SYNE1: variants seen among roughly 807,000 people sequenced by gnomAD.
SYNE1 encodes spectrin repeat containing nuclear envelope protein 1, also known as nesprin-1.
A neutral mutation model predicts 1,111.0 loss-of-function variants in SYNE1; 616 were observed. The ratio of observed to expected loss-of-function variants is 0.55; its 90% CI spans 0.52 to 0.59. The LOEUF is 0.59. Among genes scored for constraint, SYNE1 ranks in the 20% least tolerant of loss-of-function variants. The pLI is 0.00. For missense variants in SYNE1, 10,006 were observed against 10,417.0 expected (o/e 0.96, Z 1.72); for synonymous variants, 3,855 against 3,825.8 (o/e 1.01, Z -0.28).
intron 64 of SYNE1, 37 bp downstream of exon 64, chr6:152,362,133 G>C (rs1167270767): frequency 6.2e-7 from 1 of 1,614,136 alleles, no homozygotes; most frequent in East Asian, 2.2e-5. Flanking sequence ...AAAGAAGCCT[G>C]TGAGAAAACA....
At chr6:152,418,619 A>G (rs1248080044) in intron 40 of SYNE1, among the ~76,000 whole-genome samples, 1 of 152,206 alleles carries the variant, frequency 6.6e-6, no homozygotes, top group East Asian at 1.9e-4. Flanking sequence ...ATACCCTAAA[A>G]TATGTCACTT....
At chr6:152,353,844 A>G in intron 67 of SYNE1, 100 bp from the exon 68 acceptor site, 1 of 1,466,504 alleles carries the variant, frequency 6.8e-7, no homozygotes, top group South Asian at 1.1e-5. Flanking sequence ...GTAGGTTTAG[A>G]AGATGTTTAT....
intron 58 of SYNE1, among the ~76,000 whole-genome samples, chr6:152,374,028 G>A (rs375552227): frequency 1.1e-4 from 16 of 152,204 alleles, no homozygotes; most frequent in Admixed American, 2.0e-4. Context: ...ATGAATTTCC[G>A]TGGGGAATCT....
chr6:152,178,968 C>T (rs1423023271), intron 129 of SYNE1, among the ~76,000 whole-genome samples: 36 of 141,958 alleles, frequency 2.5e-4, no homozygotes, highest in Non-Finnish European at 3.0e-5. Flanking sequence ...GGCTGGAGTG[C>T]AGTGGCACAA....
At chr6:152,488,573 C>T in intron 11 of SYNE1, 70 bp from the exon 12 acceptor site, 1 of 886,310 alleles carries the variant, frequency 1.1e-6, no homozygotes, top group Non-Finnish European at 1.8e-6. Flanking sequence ...TAATACTTGA[C>T]TGATTCTAGA....
chr6:152,492,356 T>C (rs2098975277), intron 11 of SYNE1, among the ~76,000 whole-genome samples: 1 of 152,134 alleles, frequency 6.6e-6, no homozygotes, highest in Non-Finnish European at 1.5e-5. Context: ...AACTTATTTC[T>C]GAGTTGCAAT....
intron 8 of SYNE1, 94 bp downstream of exon 8, chr6:152,510,099 T>G (rs2099077401): frequency 1.6e-6 from 2 of 1,275,794 alleles, no homozygotes; most frequent in Admixed American, 3.4e-5. Context: ...CATTCAAATG[T>G]CTCTTCACAT....
chr6:152,456,446 C>G (rs1038014564), intron 22 of SYNE1, among the ~76,000 whole-genome samples: 2 of 151,662 alleles, frequency 1.3e-5, no homozygotes, highest in African/African-American at 4.9e-5. Context: ...TGTGACTAAA[C>G]AAATTGAGCA....
chr6:152,222,500 C>A (rs1228617149), intron 117 of SYNE1, among the ~76,000 whole-genome samples: 1 of 152,178 alleles, frequency 6.6e-6, no homozygotes, highest in Non-Finnish European at 1.5e-5. Flanking sequence ...TCTGGGTGTT[C>A]TTCCTTGCCA....
chr6:152,355,046 C>T lies in SYNE1; in HGVS notation c.10609-70G>A, dbSNP rs530398302. The stretch of plus-strand genomic sequence containing the variant: ...ACTTGCATGGGTTAGCATGTCTTGC[C>T]CAAGCCAACTGTGCCCACTTGAACT... On this transcript the variant is annotated intron_variant, in intron 66 of 145. Transcript: ENST00000367255. The T allele has an allele frequency of 3.5e-4, 542 of 1,566,928 alleles. 3 individuals carry two copies. The highest frequency in any genetic ancestry group is 1.4e-3 in the Middle Eastern group (8 of 5,900).
chr6:152,569,615 T>G (rs186252447), intron 3 of SYNE1, among the ~76,000 whole-genome samples: 32 of 151,726 alleles, frequency 2.1e-4, no homozygotes, highest in Non-Finnish European at 4.1e-4. Context: ...ATAGAAAAAA[T>G]GGGTCATAAG....
intron 38 of SYNE1, among the ~76,000 whole-genome samples, chr6:152,427,153 A>G (rs1015525669): frequency 1.4e-4 from 22 of 152,228 alleles, no homozygotes; most frequent in African/African-American, 5.3e-4. Flanking sequence ...TGGCTTCTTC[A>G]AGTATGAAAT....
At chr6:152,603,302 C>G (rs1207697286) in intron 3 of SYNE1, among the ~76,000 whole-genome samples, 1 of 152,124 alleles carries the variant, frequency 6.6e-6, no homozygotes, top group African/African-American at 2.4e-5. Context: ...TTTGGCCTCC[C>G]TCCCTGATTT....
chr6:152,242,430 T>C lies in SYNE1; in HGVS notation c.19703A>G (p.Asp6568Gly), dbSNP rs756092842. 7.4e-6 allele frequency: 12 copies of C among 1,613,892 alleles called. No individual in the cohort carries two copies. The highest frequency in any genetic ancestry group is 9.3e-6 in the Non-Finnish European group (11 of 1,179,998). The change falls in exon 107 of 146, where the codon GAT becomes GGT. Residue 6568 changes from aspartate (D) to glycine (G), a missense_variant. Coordinates refer to ENST00000367255, the MANE Select transcript of SYNE1 (RefSeq NM_182961.4). The part of the protein sequence containing the change: ...QELSKLQDMY[D>G]ELMMIIGSRR... Reference sequence around the variant, plus strand: ...GGAGCCAATGATCATCATCAGCTCATCATACATGTCCTAAGAAGCAGAGAC... The same window carrying C: ...GGAGCCAATGATCATCATCAGCTCACCATACATGTCCTAAGAAGCAGAGAC...
In SYNE1 at chr6:152,219,166, C is replaced by T. The variant is rs1377401737; in HGVS notation, c.21881G>A (p.Gly7294Asp). 6.2e-7 allele frequency: 1 copy of T among 1,613,882 alleles called. No individual in the cohort carries two copies. Among genetic ancestry groups the T allele is most frequent in the African/African-American group, 1.3e-5 (1 of 75,016 alleles). The change falls in exon 120 of 146, where the codon GGC becomes GAC. Residue 7294 changes from glycine to aspartate, a missense_variant. By Grantham distance (94) the Gly-to-Asp change is moderately conservative. Coordinates refer to ENST00000367255, the MANE Select transcript of SYNE1 (RefSeq NM_182961.4). Reference protein sequence around the residue: ...QDCNDLLKGLGTVKDSLFFLH... With the variant: ...QDCNDLLKGLDTVKDSLFFLH... ...AAAAAAGAGGGAATCTTTAACTGTG[C>T]CCAGTCCTTTGAGGAGGTCCTAGAA...
intron 110 of SYNE1, 108 bp from the exon 111 acceptor site, chr6:152,234,908 T>A: frequency 7.6e-7 from 1 of 1,315,910 alleles, no homozygotes; most frequent in Non-Finnish European, 1.1e-6. Context: ...GTCTGAAGAT[T>A]TAGAAGAAAA....
intron 15 of SYNE1, 54 bp downstream of exon 15, chr6:152,472,247 C>T (rs1294812372): frequency 7.1e-6 from 10 of 1,410,560 alleles, no homozygotes; most frequent in East Asian, 2.3e-5. Flanking sequence ...ATATAAAAAG[C>T]GTCCACCTAG....
At chr6:152,234,106 T>A in intron 111 of SYNE1, 143 bp from the exon 112 acceptor site, 1 of 912,778 alleles carries the variant, frequency 1.1e-6, no homozygotes, top group Non-Finnish European at 1.7e-6. Flanking sequence ...ATGAAAGCAG[T>A]ACACCCTTGC....
At chr6:152,296,252 C>T (rs1027982380) in intron 93 of SYNE1, among the ~76,000 whole-genome samples, 2 of 152,180 alleles carry the variant, frequency 1.3e-5, no homozygotes, top group African/African-American at 4.8e-5. Flanking sequence ...AAAAATCTCT[C>T]TGTTCTCCTC....
Sources: allele counts gnomAD v4.1 joint callset (sites outside exome capture counted in the v4.1 genomes callset), GRCh38; gene constraint gnomAD v4.1.1; transcripts MANE v1.5; gene names NCBI Gene and HGNC (gene_info 2026-07-23, HGNC 2026-07-21).